Variants in ST8SIA1 observed in about 807,000 individuals in gnomAD.
ST8SIA1 encodes the protein alpha-N-acetylneuraminide alpha-2,8-sialyltransferase.
A neutral mutation model predicts 35.9 loss-of-function variants in ST8SIA1; 16 were observed. That is an observed-to-expected ratio of 0.45 (90% confidence interval 0.30 to 0.68). ST8SIA1 has a LOEUF of 0.68. ST8SIA1 is among the 30% of genes least tolerant of loss of function. The pLI, the probability that ST8SIA1 is intolerant of heterozygous loss-of-function variation, is 0.09. For missense variants in ST8SIA1, 383 were observed against 453.6 expected (o/e 0.84, Z 1.41); for synonymous variants, 170 against 169.6 (o/e 1.00, Z -0.02).
intron 2 of ST8SIA1, among the ~76,000 whole-genome samples, chr12:22,264,390 A>G (rs1865823967): frequency 6.6e-6 from 1 of 152,144 alleles, no homozygotes; most frequent in Non-Finnish European, 1.5e-5. Context: ...GGACTGGCAA[A>G]TTCCCACAAG....
chr12:22,275,391 T>C lies in ST8SIA1; in HGVS notation c.381+11758A>G, dbSNP rs375346664. ...CCAACATGGTGAAACCCCATCTCTATGAGAAATACAAAAATTAGCCAGGCA... is the reference window on the plus strand; with the variant it reads ...CCAACATGGTGAAACCCCATCTCTACGAGAAATACAAAAATTAGCCAGGCA... On this transcript the variant is annotated intron_variant, in intron 2 of 4. Transcript: ENST00000396037. 1.4e-3 allele frequency among the ~76,000 whole-genome samples: 208 copies of C among 152,118 alleles called. 2 individuals carry two copies. Among genetic ancestry groups the C allele is most frequent in the African/African-American group, 4.8e-3 (201 of 41,510 alleles).
At position 22,195,589 on chromosome 12, in the gene ST8SIA1, A is replaced by C. The variant is rs949590274; in HGVS notation, c.*5963T>G. ...GCAATGGATAAGCTTCACCCAGAGA[A>C]AACTATTCATTATTAACCATAACAG... On this transcript the variant is annotated 3_prime_UTR_variant, in exon 5 of 5. Coordinates refer to ENST00000396037, the MANE Select transcript of ST8SIA1 (RefSeq NM_003034.4). The C allele has an allele frequency of 6.6e-6, 1 of 152,164 alleles. No homozygotes were observed. The highest frequency in any genetic ancestry group is 6.5e-5 in the Admixed American group (1 of 15,274). The allele number at this position is 152,164 out of a possible 1,614,324, so 9.4% of individuals were successfully genotyped here.
intron 2 of ST8SIA1, among the ~76,000 whole-genome samples, chr12:22,279,374 T>C (rs1295220334): frequency 6.6e-6 from 1 of 152,190 alleles, no homozygotes; most frequent in Non-Finnish European, 1.5e-5. Context: ...CCAGTAACTG[T>C]GCTTCAGCCT....
At chr12:22,227,630 A>T (rs896004030) in intron 4 of ST8SIA1, among the ~76,000 whole-genome samples, 4 of 152,012 alleles carry the variant, frequency 2.6e-5, no homozygotes, top group African/African-American at 7.2e-5. Context: ...TCTATACCAA[A>T]TTTTTTTTCT....
At chr12:22,253,605 T>A (rs1454046093) in intron 3 of ST8SIA1, among the ~76,000 whole-genome samples, 1 of 152,224 alleles carries the variant, frequency 6.6e-6, no homozygotes, top group Non-Finnish European at 1.5e-5. Flanking sequence ...TATAGAATTG[T>A]TCAACGCACC....
intron 2 of ST8SIA1, among the ~76,000 whole-genome samples, chr12:22,259,903 T>C (rs184345828): frequency 1.3e-5 from 2 of 152,344 alleles, no homozygotes; most frequent in East Asian, 3.9e-4. Context: ...CCTTTATGAG[T>C]ATACTTATAT....
intron 4 of ST8SIA1, among the ~76,000 whole-genome samples, chr12:22,212,716 T>C (rs1251234716): frequency 1.3e-5 from 2 of 152,292 alleles, no homozygotes; most frequent in East Asian, 3.9e-4. Flanking sequence ...AGAATTTAGC[T>C]TACAGTTTAA....
At chr12:22,304,702 C>A (rs1866362626) in intron 1 of ST8SIA1, among the ~76,000 whole-genome samples, 1 of 152,148 alleles carries the variant, frequency 6.6e-6, no homozygotes, top group South Asian at 2.1e-4. Context: ...TTTAAAAAAA[C>A]CTTTTTTAAA....
chr12:22,276,941 C>T (rs1960265), intron 2 of ST8SIA1, among the ~76,000 whole-genome samples: 16,315 of 152,070 alleles, frequency 0.11, 1,099 homozygotes, highest in Middle Eastern at 0.24. Flanking sequence ...CATAGCTACA[C>T]TGGCTTTCCA....
intron 1 of ST8SIA1, among the ~76,000 whole-genome samples, chr12:22,330,644 T>C (rs1185973714): frequency 6.6e-6 from 1 of 152,190 alleles, no homozygotes; most frequent in Non-Finnish European, 1.5e-5. Flanking sequence ...TTTTCATAAA[T>C]GTGGATAATG....
chr12:22,273,078 A>C (rs1296038495), intron 2 of ST8SIA1, among the ~76,000 whole-genome samples: 1 of 152,130 alleles, frequency 6.6e-6, no homozygotes, highest in Non-Finnish European at 1.5e-5. Flanking sequence ...AGTTATTCTG[A>C]GGTTTCTTAC....
intron 4 of ST8SIA1, among the ~76,000 whole-genome samples, chr12:22,228,417 C>T (rs566987443): frequency 1.1e-3 from 161 of 152,218 alleles, no homozygotes; most frequent in Admixed American, 1.5e-3. Flanking sequence ...TTTCAGTTCT[C>T]TTGTAGATTT....
At chr12:22,207,179 G>C (rs1207077448) in intron 4 of ST8SIA1, among the ~76,000 whole-genome samples, 1 of 152,178 alleles carries the variant, frequency 6.6e-6, no homozygotes, top group Admixed American at 6.5e-5. Context: ...ATGGATTCGC[G>C]ACTGCTGCAT....
rs550910302 is a variant in ST8SIA1, at chr12:22,226,932, T to TTTTG, written c.584+22070_584+22073dup. Among the ~76,000 whole-genome samples the TTTTG allele has an allele frequency of 2.3e-4, 35 of 152,172 alleles. No individual in the cohort carries two copies. In the East Asian group the frequency reaches 2.3e-3, roughly 10 times the overall value. Reference sequence around the variant, plus strand: ...TATGCGTGTTTTTCCTCTGAGTCTTTTTTGTTTGTTTGTTTGTTTGTTGTT... The same window carrying TTTTG: ...TATGCGTGTTTTTCCTCTGAGTCTTTTTTGTTTGTTTGTTTGTTTGTTTGTTGTT... On this transcript the variant is annotated intron_variant, in intron 4 of 4. Transcript: ENST00000396037.
intron 1 of ST8SIA1, among the ~76,000 whole-genome samples, chr12:22,299,201 G>A (rs1361518946): frequency 6.6e-6 from 1 of 151,778 alleles, no homozygotes; most frequent in African/African-American, 2.4e-5. Context: ...ATATATTGTA[G>A]GAAAACATTC....
At chr12:22,221,362 T>A (rs1056405583) in intron 4 of ST8SIA1, among the ~76,000 whole-genome samples, 2 of 151,910 alleles carry the variant, frequency 1.3e-5, no homozygotes, top group Non-Finnish European at 2.9e-5. Flanking sequence ...AAATAGGCAA[T>A]CAAAAACTTG....
At chr12:22,235,138 C>A (rs1240162271) in intron 4 of ST8SIA1, among the ~76,000 whole-genome samples, 1 of 152,096 alleles carries the variant, frequency 6.6e-6, no homozygotes, top group African/African-American at 2.4e-5. Flanking sequence ...AAATGCATAT[C>A]ATGATTTATA....
intron 1 of ST8SIA1, among the ~76,000 whole-genome samples, chr12:22,302,849 A>T (rs1413182148): frequency 2.0e-5 from 3 of 152,004 alleles, no homozygotes; most frequent in Admixed American, 1.3e-4. Context: ...AAAGGGTGCA[A>T]CCATTTGTCT....
intron 4 of ST8SIA1, among the ~76,000 whole-genome samples, chr12:22,228,476 C>T (rs1865381977): frequency 1.3e-5 from 2 of 152,102 alleles, no homozygotes; most frequent in Non-Finnish European, 2.9e-5. Flanking sequence ...AGTTGGAATA[C>T]AACATTTCAC....
Sources: allele counts gnomAD v4.1 joint callset (sites outside exome capture counted in the v4.1 genomes callset), GRCh38; gene constraint gnomAD v4.1.1; transcripts MANE v1.5; gene names NCBI Gene and HGNC (gene_info 2026-07-23, HGNC 2026-07-21).